DIS3L: variants seen among roughly 807,000 people sequenced by gnomAD.
DIS3L encodes the protein DIS3-like exonuclease 1.
A neutral mutation model predicts 120.3 loss-of-function variants in DIS3L; 100 were observed. That is an observed-to-expected ratio of 0.83 (90% CI 0.71 to 0.98). DIS3L has a LOEUF of 0.98. DIS3L is among the 50% of genes least tolerant of loss of function. DIS3L has a pLI of 0.00. For missense variants in DIS3L, 1,196 were observed against 1,314.2 expected, an observed-to-expected ratio of 0.91 and a Z score of 1.39; for synonymous variants, 426 against 470.6, an observed-to-expected ratio of 0.91 and a Z score of 1.23.
At chr15:66,332,651 G>T in intron 15 of DIS3L, 85 bp from the exon 16 acceptor site, 1 of 1,319,318 alleles carries the variant, frequency 7.6e-7, no homozygotes, top group Non-Finnish European at 1.0e-6. Flanking sequence ...TAATCTAGGA[G>T]AAAAACTAGT....
At chr15:66,307,228 T>C (rs893271824) in intron 3 of DIS3L, among the ~76,000 whole-genome samples, 5 of 152,170 alleles carry the variant, frequency 3.3e-5, no homozygotes, top group Non-Finnish European at 7.3e-5. Context: ...TCCAGTGAAC[T>C]AGAAGTCATA....
chr15:66,311,815 G>C lies in DIS3L; in HGVS notation c.650G>C (p.Ser217Thr). 2 of 1,614,160 alleles carry C rather than the reference G, an allele frequency of 1.2e-6. No homozygotes were observed. The highest frequency in any genetic ancestry group is 1.7e-6 in the Non-Finnish European group (2 of 1,180,018). ...LQSRRERENE[S>T]QESHGKEYPE... ...TCTCGACGGGAGAGAGAGAATGAGA[G>C]TCAGGAGAGCCATGGGAAGGAGTAC... is the stretch of plus-strand genomic sequence containing the variant. The change falls in exon 5 of 17, where the codon AGT becomes ACT. Residue 217 changes from serine (S) to threonine (T), a missense_variant. Coordinates refer to ENST00000319212, the MANE Select transcript of DIS3L (RefSeq NM_001143688.3).
rs752897639 is a variant in DIS3L at position 66,333,225 on chromosome 15, C to T, written c.3078C>T (p.Arg1026=). ...NIIQEEYQEY[R]QTKGRSLYTL... The stretch of plus-strand genomic sequence containing the variant: ...TTCAGGAGGAATATCAAGAATATCG[C>T]CAAACAAAGGGAAGGAGCCTATACA... Residue 1026 remains arginine, a synonymous_variant, in exon 17 of 17, where the codon CGC becomes CGT. Transcript: ENST00000319212. 6.2e-7 allele frequency: 1 copy of T among 1,614,030 alleles called. No homozygotes were observed. The highest frequency in any genetic ancestry group is 8.5e-7 in the Non-Finnish European group (1 of 1,180,016).
At chr15:66,312,209 TAAAAAAA>T (rs535749569) in intron 5 of DIS3L, among the ~76,000 whole-genome samples, 2 of 121,340 alleles carry the variant, frequency 1.6e-5, no homozygotes, top group African/African-American at 6.1e-5. Context: ...CTGTCTCAAT[TAAAAAAA>T]AAAAAAAAAA....
rs1174273634 is a variant in DIS3L, at chr15:66,325,860, A to G, written c.1697A>G (p.Asp566Gly). 4 of 1,611,822 alleles carry G rather than the reference A, an allele frequency of 2.5e-6. No individual in the cohort carries two copies. Among genetic ancestry groups the G allele is most frequent in the Non-Finnish European group, 3.4e-6 (4 of 1,177,958 alleles). The part of the protein sequence containing the change: ...RYAVSIMWEL[D>G]KASYEIKKVW... ...GCTGTAAGCATCATGTGGGAACTGGATAAAGCCTCTTATGAAATTAAGAAA... is the reference window on the plus strand; with the variant it reads ...GCTGTAAGCATCATGTGGGAACTGGGTAAAGCCTCTTATGAAATTAAGAAA... The change falls in exon 12 of 17, where the codon GAT (aspartate) becomes GGT (glycine). Residue 566 changes from aspartate (D) to glycine (G), a missense_variant. Asp to Gly is a moderately conservative substitution (Grantham distance 94). Transcript: ENST00000319212.
At chr15:66,319,134 C>T (rs1566950764) in intron 8 of DIS3L, among the ~76,000 whole-genome samples, 1 of 152,178 alleles carries the variant, frequency 6.6e-6, no homozygotes, top group Non-Finnish European at 1.5e-5. Flanking sequence ...GATGGGGTCT[C>T]ACTTTGTTGC....
intron 8 of DIS3L, 102 bp downstream of exon 8, chr15:66,318,720 A>G (rs1452021043): frequency 1.6e-6 from 2 of 1,231,710 alleles, no homozygotes; most frequent in South Asian, 1.6e-5. Flanking sequence ...TCCTTTGCAT[A>G]TAAAGAAATA....
In DIS3L at chr15:66,320,571, G is replaced by A. The variant is rs771942723; in HGVS notation, c.1165G>A (p.Asp389Asn). Residue 389 changes from aspartate (D) to asparagine (N), a missense_variant and splice_region_variant, in exon 9 of 17, where the codon GAC becomes AAC. Asp to Asn is a conservative substitution (Grantham distance 23, BLOSUM62 1). Coordinates refer to ENST00000319212, the MANE Select transcript of DIS3L (RefSeq NM_001143688.3). ...ISTQQAETLQDFRVVVRIDSW... is the reference protein window; with the variant it reads ...ISTQQAETLQNFRVVVRIDSW... ...TGTTTTATTTTTTCCTTTTGTGCAGGACTTCAGGGTGGTCGTGCGCATCGA... is the reference window on the plus strand; with the variant it reads ...TGTTTTATTTTTTCCTTTTGTGCAGAACTTCAGGGTGGTCGTGCGCATCGA... The A allele has an allele frequency of 2.5e-6, 4 of 1,610,752 alleles. No individual in the cohort carries two copies. The highest frequency in any genetic ancestry group is 3.4e-5 in the Admixed American group (2 of 59,342).
At chr15:66,326,729 G>A (rs1472089691) in intron 12 of DIS3L, among the ~76,000 whole-genome samples, 7 of 151,906 alleles carry the variant, frequency 4.6e-5, no homozygotes, top group African/African-American at 9.7e-5. Context: ...ACAGGCACAC[G>A]CCACCATGCC....
intron 1 of DIS3L, chr15:66,293,976 G>C: frequency 2.0e-6 from 2 of 992,518 alleles, no homozygotes; most frequent in South Asian, 9.4e-5. Context: ...CAATGGGAGG[G>C]CCCGACAGAC....
At position 66,295,010 on chromosome 15, in the gene DIS3L, T is replaced by A. The variant is rs929977095; in HGVS notation, c.162T>A (p.Asp54Glu). Residue 54 changes from aspartate to glutamate, a missense_variant, in exon 2 of 17, where the codon GAT becomes GAA. By Grantham distance (45) the Asp-to-Glu change is conservative. Coordinates refer to ENST00000319212, the MANE Select transcript of DIS3L (RefSeq NM_001143688.3). ...CAGATGGGAAACTCTTGTCTAGTGA[T>A]GTGACTCATTACGTGATCCCAGACT... The part of the protein sequence containing the change: ...CSHDGKLLSS[D>E]VTHYVIPDWK... 2 of 1,613,798 alleles carry A rather than the reference T, an allele frequency of 1.2e-6. No individual in the cohort carries two copies. The highest frequency in any genetic ancestry group is 2.2e-5 in the South Asian group (2 of 91,050).
chr15:66,316,227 T>C (rs2092815130), intron 7 of DIS3L, among the ~76,000 whole-genome samples: 1 of 152,140 alleles, frequency 6.6e-6, no homozygotes, highest in African/African-American at 2.4e-5. Flanking sequence ...CTAGACCTGC[T>C]CTTCCCCACG....
At chr15:66,308,865 T>A (rs2092727261) in intron 4 of DIS3L, 21 bp downstream of exon 4, 1 of 1,603,726 alleles carries the variant, frequency 6.2e-7, no homozygotes, top group East Asian at 2.2e-5. Flanking sequence ...ATATTGTATA[T>A]GTATGAGTGC....
chr15:66,306,938 GA>G lies in DIS3L; in HGVS notation c.410del (p.Lys137SerfsTer27), dbSNP rs765909121. ...LPRERGESME[K>X]WQTRSIYNAA... Reference sequence around the variant, plus strand: ...CACGGGAAAGAGGAGAGTCCATGGAGAAGTGGCAGACCAGGTATGGCCCTGA... The same window carrying G: ...CACGGGAAAGAGGAGAGTCCATGGAGAGTGGCAGACCAGGTATGGCCCTGA... On this transcript the variant is annotated frameshift_variant, in exon 3 of 17. Transcript: ENST00000319212. LOFTEE classifies it high-confidence loss of function. The G allele has an allele frequency of 2.5e-6, 4 of 1,614,122 alleles. No individual in the cohort carries two copies. The Admixed American group carries it at 6.7e-5, about 27-fold the overall frequency.
Position 66,333,790 on chromosome 15 carries a change from T to C in DIS3L, c.*478T>C, listed in dbSNP as rs1386616460. The C allele has an allele frequency of 7.0e-6, 1 of 143,116 alleles. No homozygotes were observed. Among genetic ancestry groups the C allele is most frequent in the Non-Finnish European group, 1.5e-5 (1 of 64,954 alleles). The allele number at this position is 143,116 out of a possible 1,614,324, so 8.9% of individuals were successfully genotyped here. ...CATTAAAGTTGCATTAAATAAAGTA[T>C]AATTAGGTCACTATGGAAACAGAGT... On this transcript the variant is annotated 3_prime_UTR_variant, in exon 17 of 17. Transcript: ENST00000319212.
Position 66,333,100 on chromosome 15 carries a change from A to G in DIS3L, c.2953A>G (p.Ile985Val), listed in dbSNP as rs780385736. 1.2e-6 allele frequency: 2 copies of G among 1,613,490 alleles called. No homozygotes were observed. The highest frequency in any genetic ancestry group is 1.7e-5 in the Admixed American group (1 of 60,018). Residue 985 changes from isoleucine to valine, a missense_variant, in exon 17 of 17, where the codon ATT becomes GTT. Coordinates refer to ENST00000319212, the MANE Select transcript of DIS3L (RefSeq NM_001143688.3). The stretch of plus-strand genomic sequence containing the variant: ...ATACAAGATACCAAATACAGAACTT[A>G]TTCATCAGAGTTCCCCCTTGCTGAA... ...KPYKIPNTEL[I>V]HQSSPLLKSE...
chr15:66,322,733 G>A lies in DIS3L; in HGVS notation c.1373G>A (p.Ser458Asn). Residue 458 changes from serine (S) to asparagine (N), a missense_variant, in exon 10 of 17, where the codon AGT becomes AAT. Physicochemically the swap from Ser to Asn is conservative, Grantham distance 46 (BLOSUM62 1). Coordinates refer to ENST00000319212, the MANE Select transcript of DIS3L (RefSeq NM_001143688.3). ...ACACCAGAAAGTCCCTGGAAGGTGA[G>A]TCCTGAAGAGGAACAAAAACGTAAA... is the stretch of plus-strand genomic sequence containing the variant. ...VNTPESPWKV[S>N]PEEEQKRKDL... 1 of 1,614,166 alleles carries A rather than the reference G, an allele frequency of 6.2e-7. No individual in the cohort carries two copies. Among genetic ancestry groups the A allele is most frequent in the East Asian group, 2.2e-5 (1 of 44,886 alleles).
At position 66,331,915 on chromosome 15, in the gene DIS3L, A is replaced by G; in HGVS notation, c.2576A>G (p.Gln859Arg). The G allele has an allele frequency of 1.2e-6, 2 of 1,612,744 alleles. No homozygotes were observed. The highest frequency in any genetic ancestry group is 8.5e-7 in the Non-Finnish European group (1 of 1,179,246). ...CAGAAGCAGTCTACTGAGCTCTTCC[A>G]GTGCATGTACTTCAAAGACAAAGAC... ...HSQKQSTELF[Q>R]CMYFKDKDPA... The change falls in exon 15 of 17, where the codon CAG (glutamine) becomes CGG (arginine). Residue 859 changes from glutamine to arginine, a missense_variant. By Grantham distance (43) the Gln-to-Arg change is conservative. Coordinates refer to ENST00000319212, the MANE Select transcript of DIS3L (RefSeq NM_001143688.3).
intron 2 of DIS3L, among the ~76,000 whole-genome samples, chr15:66,295,796 G>A (rs950534507): frequency 6.6e-6 from 1 of 152,190 alleles, no homozygotes; most frequent in African/African-American, 2.4e-5. Flanking sequence ...AAAGGTTTAT[G>A]ACTTGAACTT....
Sources: allele counts gnomAD v4.1 joint callset (sites outside exome capture counted in the v4.1 genomes callset), GRCh38; gene constraint gnomAD v4.1.1; transcripts MANE v1.5; gene names NCBI Gene and HGNC (gene_info 2026-07-23, HGNC 2026-07-21).